FMN2: variants seen among roughly 807,000 people sequenced by gnomAD.
The protein encoded by FMN2 is formin 2.
FMN2 carries 51 observed loss-of-function variants against 142.3 expected under a neutral mutation model. The ratio of observed to expected loss-of-function variants is 0.36; its 90% CI spans 0.29 to 0.45. The LOEUF (loss-of-function observed/expected upper bound fraction) is 0.45. Among genes scored for constraint, FMN2 ranks in the 20% least tolerant of loss-of-function variants. The probability of loss-of-function intolerance (pLI) is 1.00; values close to 1 mark genes in which losing one functional copy is unlikely to be tolerated. For missense variants in FMN2, 1,936 were observed against 2,122.8 expected (o/e 0.91, Z 1.73); for synonymous variants, 882 against 869.8 (o/e 1.01, Z -0.25).
intron 6 of FMN2, among the ~76,000 whole-genome samples, chr1:240,251,952 A>G (rs1027162512): frequency 6.6e-6 from 1 of 152,202 alleles, no homozygotes; most frequent in African/African-American, 2.4e-5. Context: ...TCTGTTGCCT[A>G]GGCTGGAGGG....
chr1:240,282,061 G>A (rs186987768), intron 7 of FMN2, among the ~76,000 whole-genome samples: 1 of 152,238 alleles, frequency 6.6e-6, no homozygotes. Context: ...GACATTGACC[G>A]AAAACTGAAG....
chr1:240,465,288 C>G (rs1676574382), intron 16 of FMN2, among the ~76,000 whole-genome samples: 1 of 72,178 alleles, frequency 1.4e-5, no homozygotes, highest in Admixed American at 1.4e-4. Flanking sequence ...GAATCTCCAC[C>G]ACCTCTCTCC....
chr1:240,142,872 G>A (rs1473535880), intron 2 of FMN2: 11 of 1,598,890 alleles, frequency 6.9e-6, no homozygotes, highest in Non-Finnish European at 8.6e-6. Flanking sequence ...GACAGACACT[G>A]GCAATGGCCT....
At position 240,473,772 on chromosome 1, in the gene FMN2, T is replaced by G. The variant is rs1676886384; in HGVS notation, c.5143-356T>G. ...ATCTTGCTATTATGAGTACAGAAGA[T>G]AATTAGAGTACATTTACCATGAAGT... On this transcript the variant is annotated intron_variant, in intron 17 of 17. Transcript: ENST00000319653. This position sits in a 1 kb window ranked among gnomAD's most constrained non-coding sequence, Gnocchi z 4.3. Among the ~76,000 whole-genome samples, 1 of 152,196 alleles carries G rather than the reference T, an allele frequency of 6.6e-6. No individual in the cohort carries two copies. Among genetic ancestry groups the G allele is most frequent in the African/African-American group, 2.4e-5 (1 of 41,454 alleles).
intron 8 of FMN2, among the ~76,000 whole-genome samples, chr1:240,302,703 G>A (rs763659792): frequency 6.6e-5 from 10 of 151,954 alleles, no homozygotes; most frequent in Non-Finnish European, 1.3e-4. Flanking sequence ...ATACATTCTA[G>A]AGAAACTCTT....
intron 10 of FMN2, 131 bp downstream of exon 10, chr1:240,329,599 A>AAGGG (rs1300143365): frequency 8.2e-7 from 1 of 1,216,816 alleles, no homozygotes; most frequent in African/African-American, 1.5e-5. Flanking sequence ...AGTCCCACAG[A>AAGGG]AGGGAACATT....
chr1:240,233,777 G>A (rs958659999), intron 6 of FMN2, among the ~76,000 whole-genome samples: 4 of 152,054 alleles, frequency 2.6e-5, no homozygotes, highest in Admixed American at 2.6e-4. Context: ...TCCTCTTTCT[G>A]TATGCGCATA....
chr1:240,093,326 G>T lies in FMN2; in HGVS notation c.1217G>T (p.Arg406Leu). The T allele has an allele frequency of 6.2e-7, 1 of 1,611,964 alleles. No homozygotes were observed. Among genetic ancestry groups the T allele is most frequent in the Non-Finnish European group, 8.5e-7 (1 of 1,179,140 alleles). Reference protein sequence around the residue: ...SLPGSPAPSQRCFKPYPLITP... With the variant: ...SLPGSPAPSQLCFKPYPLITP... ...CCCGGCAGCCCCGCGCCTAGCCAGC[G>T]CTGTTTCAAGCCCTACCCGCTCATC... is the stretch of plus-strand genomic sequence containing the variant. Residue 406 changes from arginine (R) to leucine (L), a missense_variant, in exon 1 of 18, where the codon CGC becomes CTC. Physicochemically the swap from Arg to Leu is moderately radical, Grantham distance 102. Coordinates refer to ENST00000319653, the MANE Select transcript of FMN2 (RefSeq NM_020066.5).
intron 1 of FMN2, among the ~76,000 whole-genome samples, chr1:240,106,602 A>G (rs1026650091): frequency 1.3e-5 from 2 of 152,086 alleles, no homozygotes; most frequent in African/African-American, 4.8e-5. Flanking sequence ...TCCTCCTTAT[A>G]TTTAATTAGT....
At chr1:240,227,894 C>G (rs1252812611) in intron 6 of FMN2, among the ~76,000 whole-genome samples, 2 of 151,972 alleles carry the variant, frequency 1.3e-5, no homozygotes, top group African/African-American at 4.8e-5. Flanking sequence ...GACAACCAAC[C>G]CACAAAATGG....
intron 7 of FMN2, among the ~76,000 whole-genome samples, chr1:240,273,483 A>G (rs902427550): frequency 1.3e-5 from 2 of 152,268 alleles, no homozygotes; most frequent in African/African-American, 4.8e-5. Flanking sequence ...TTATTCTATC[A>G]GTGGCTTAAG....
chr1:240,111,804 G>A (rs1661819237), intron 1 of FMN2, among the ~76,000 whole-genome samples: 1 of 152,058 alleles, frequency 6.6e-6, no homozygotes, highest in African/African-American at 2.4e-5. Context: ...TGGTTCAAAC[G>A]CCTCTGACAT....
rs1329757308 is a variant in FMN2 at position 240,093,703 on chromosome 1, G to A, written c.1594G>A (p.Gly532Ser). The change falls in exon 1 of 18, where the codon GGC becomes AGC. Residue 532 changes from glycine to serine, a missense_variant. Transcript: ENST00000319653. ...GTCTGGGGCCCCCGCGGCTGCGGAT[G>A]GCTTCCAGAACGTGTTCACAGGTGA... ...KASGAPAAADGFQNVFTGRTL... is the reference protein window; with the variant it reads ...KASGAPAAADSFQNVFTGRTL... The A allele has an allele frequency of 2.2e-6, 3 of 1,371,952 alleles. No individual in the cohort carries two copies. Among genetic ancestry groups the A allele is most frequent in the Admixed American group, 6.7e-5 (2 of 29,870 alleles). 85.0% of individuals were successfully genotyped at this position (1,371,952 alleles called of 1,614,324 possible).
At chr1:240,370,831 G>A (rs1672839816) in intron 14 of FMN2, among the ~76,000 whole-genome samples, 1 of 152,108 alleles carries the variant, frequency 6.6e-6, no homozygotes, top group Non-Finnish European at 1.5e-5. Context: ...GGAAAAGATT[G>A]AATAATGTTA....
intron 7 of FMN2, among the ~76,000 whole-genome samples, chr1:240,277,265 A>G (rs1453188207): frequency 1.3e-5 from 2 of 152,138 alleles, no homozygotes; most frequent in Non-Finnish European, 2.9e-5. Flanking sequence ...TATTGATGGG[A>G]TCCAAGTTGA....
intron 6 of FMN2, chr1:240,245,543 T>TA (rs1383278892): frequency 4.2e-6 from 2 of 471,354 alleles, no homozygotes; most frequent in African/African-American, 2.0e-5. Flanking sequence ...GGTTGTGAAA[T>TA]AGAGCTCATT....
At chr1:240,382,183 A>T (rs1673247726) in intron 14 of FMN2, among the ~76,000 whole-genome samples, 1 of 152,212 alleles carries the variant, frequency 6.6e-6, no homozygotes, top group African/African-American at 2.4e-5. Flanking sequence ...CACGATTAAC[A>T]TTCAAACTGA....
chr1:240,228,028 G>A lies in FMN2; in HGVS notation c.4065+16793G>A, dbSNP rs1251022504. ...CTAATTTCAAAATGGGCAAGGCCGA[G>A]CGCAGTGACTCACACCTGTAATCCC... is the stretch of plus-strand genomic sequence containing the variant. On this transcript the variant is annotated intron_variant, in intron 6 of 17. Coordinates refer to ENST00000319653, the MANE Select transcript of FMN2 (RefSeq NM_020066.5). 3.3e-5 allele frequency among the ~76,000 whole-genome samples: 5 copies of A among 152,050 alleles called. No individual in the cohort carries two copies. In the South Asian group the frequency reaches 1.0e-3, roughly 32 times the overall value.
intron 14 of FMN2, 36 bp from the exon 15 acceptor site, chr1:240,392,475 T>C: frequency 1.9e-6 from 3 of 1,581,924 alleles, no homozygotes; most frequent in Non-Finnish European, 2.6e-6. Context: ...CAACTTATCA[T>C]TTATCTCATG....
Sources: allele counts gnomAD v4.1 joint callset (sites outside exome capture counted in the v4.1 genomes callset), GRCh38; gene constraint gnomAD v4.1.1; non-coding constraint Gnocchi (gnomAD v3.1); transcripts MANE v1.5; gene names NCBI Gene and HGNC (gene_info 2026-07-23, HGNC 2026-07-21).